Variants in SNX29 observed in about 807,000 individuals in gnomAD.
SNX29 encodes sorting nexin 29.
Under a neutral mutation model 102.1 loss-of-function variants are expected in SNX29, and 78 were observed. The observed-to-expected ratio is 0.76, with a 90% CI of 0.64 to 0.92. The LOEUF is 0.92. SNX29 is among the 40% of genes least tolerant of loss of function. The pLI, the probability that SNX29 is intolerant of heterozygous loss-of-function variation, is 0.00. For synonymous variants in SNX29, 580 were observed against 414.5 expected (o/e 1.40, Z -4.85); for missense variants, 1,280 against 1,061.7 (o/e 1.21, Z -2.86).
intron 16 of SNX29, among the ~76,000 whole-genome samples, chr16:12,372,360 CTAATGTTCTT>C (rs1166290951): frequency 6.6e-6 from 1 of 152,216 alleles, no homozygotes; most frequent in Non-Finnish European, 1.5e-5. Context: ...AGGTACGTTT[CTAATGTTCTT>C]TAAATTCCTG....
chr16:12,000,671 A>T (rs766809720), intron 2 of SNX29, among the ~76,000 whole-genome samples: 1 of 152,002 alleles, frequency 6.6e-6, no homozygotes, highest in Non-Finnish European at 1.5e-5. Context: ...CTACAGGTGC[A>T]TGCCACCACA....
At chr16:12,107,025 C>T (rs1419586829) in intron 11 of SNX29, among the ~76,000 whole-genome samples, 2 of 152,128 alleles carry the variant, frequency 1.3e-5, no homozygotes, top group East Asian at 3.9e-4. Flanking sequence ...ACTGTGTTGC[C>T]CAGGCTGGTC....
intron 18 of SNX29, among the ~76,000 whole-genome samples, chr16:12,437,634 C>T (rs941075121): frequency 7.9e-5 from 12 of 152,200 alleles, no homozygotes; most frequent in African/African-American, 2.2e-4. Flanking sequence ...CTGGCTCCTT[C>T]CCCACCCATA....
At chr16:12,092,400 C>G (rs778315073) in intron 11 of SNX29, among the ~76,000 whole-genome samples, 36 of 152,124 alleles carry the variant, frequency 2.4e-4, no homozygotes, top group Non-Finnish European at 4.4e-4. Context: ...TCCCAGAGGG[C>G]GGGCTCCAGT....
chr16:12,571,702 GCTT>G lies in SNX29; in HGVS notation c.*3076_*3078del, dbSNP rs937189473. ...TGTCTCTCCTTGAGAGACAACAAAA[GCTT>G]CTAAGGGAGGGAGCTTAAAGGCTGC... On this transcript the variant is annotated 3_prime_UTR_variant, in exon 21 of 21. Coordinates refer to ENST00000566228, the MANE Select transcript of SNX29 (RefSeq NM_032167.5). 5.6e-5 allele frequency: 59 copies of G among 1,059,546 alleles called. No individual in the cohort carries two copies. In the African/African-American group the frequency reaches 8.6e-4, roughly 15 times the overall value. The allele number at this position is 1,059,546 out of a possible 1,614,324, so 65.6% of individuals were successfully genotyped here.
intron 14 of SNX29, among the ~76,000 whole-genome samples, chr16:12,235,331 C>T (rs540493628): frequency 3.3e-5 from 5 of 152,208 alleles, no homozygotes; most frequent in Non-Finnish European, 5.9e-5. Context: ...CCGCAGTGCT[C>T]GTGTTTTCAG....
chr16:12,151,799 G>A (rs1376476552), intron 13 of SNX29, among the ~76,000 whole-genome samples: 1 of 152,126 alleles, frequency 6.6e-6, no homozygotes, highest in Admixed American at 6.5e-5. Context: ...GCAGTGGCAC[G>A]ATCTCGTCTC....
At chr16:12,528,945 C>T (rs909754154) in intron 20 of SNX29, among the ~76,000 whole-genome samples, 21 of 152,226 alleles carry the variant, frequency 1.4e-4, no homozygotes, top group Admixed American at 1.2e-3. Context: ...TTAAAACTTT[C>T]AGTCCAGTAT....
intron 1 of SNX29, among the ~76,000 whole-genome samples, chr16:11,987,076 T>C (rs923581109): frequency 6.6e-6 from 1 of 152,136 alleles, no homozygotes; most frequent in Non-Finnish European, 1.5e-5. Flanking sequence ...TTCTGTCTTA[T>C]TTTTTTGAGA....
At chr16:12,021,571 C>G (rs760712611) in intron 3 of SNX29, among the ~76,000 whole-genome samples, 4 of 152,068 alleles carry the variant, frequency 2.6e-5, no homozygotes, top group South Asian at 2.1e-4. Flanking sequence ...TTAATAGATT[C>G]GTGTGCAGAT....
intron 18 of SNX29, among the ~76,000 whole-genome samples, chr16:12,428,945 C>T (rs1447790933): frequency 6.6e-6 from 1 of 152,150 alleles, no homozygotes. Context: ...ACTAATATCT[C>T]CTAGTTAATT....
chr16:12,159,027 C>T (rs1252460333), intron 13 of SNX29, among the ~76,000 whole-genome samples: 1 of 152,228 alleles, frequency 6.6e-6, no homozygotes, highest in Non-Finnish European at 1.5e-5. Context: ...ATGAGCCCTT[C>T]TGGAATTAAT....
intron 14 of SNX29, among the ~76,000 whole-genome samples, chr16:12,242,373 T>A (rs201253254): frequency 0.18 from 24,818 of 136,154 alleles, 2,417 homozygotes; most frequent in South Asian, 0.35. Context: ...ATATATTTTT[T>A]TTTTTTTTTT....
chr16:12,571,824 TC>T lies in SNX29; in HGVS notation c.*3198del. The stretch of plus-strand genomic sequence containing the variant: ...AGTGTGAAATTCCAGCTTCTTTGAT[TC>T]CCACTTAGCAGTATGCTCCAATCAC... On this transcript the variant is annotated 3_prime_UTR_variant, in exon 21 of 21. Coordinates refer to ENST00000566228, the MANE Select transcript of SNX29 (RefSeq NM_032167.5). The T allele has an allele frequency of 8.6e-6, 9 of 1,042,748 alleles. No homozygotes were observed. The highest frequency in any genetic ancestry group is 8.1e-6 in the Non-Finnish European group (7 of 859,918). 64.6% of individuals were successfully genotyped at this position (1,042,748 alleles called of 1,614,324 possible).
At chr16:12,519,038 C>G (rs2089989059) in intron 19 of SNX29, among the ~76,000 whole-genome samples, 1 of 152,186 alleles carries the variant, frequency 6.6e-6, no homozygotes, top group South Asian at 2.1e-4. Context: ...GGGGAGCAGG[C>G]TGTCCTGGGG....
chr16:12,015,572 G>A (rs1037416155), intron 3 of SNX29, among the ~76,000 whole-genome samples: 10 of 140,426 alleles, frequency 7.1e-5, no homozygotes, highest in Non-Finnish European at 1.2e-4. Flanking sequence ...GTCTTGCTCT[G>A]TCGCCCAGGC....
At chr16:12,135,723 G>T (rs2054635469) in intron 13 of SNX29, 2 of 806,050 alleles carry the variant, frequency 2.5e-6, no homozygotes, top group African/African-American at 1.8e-5. Context: ...CCAATAAATT[G>T]CTTTCATTCC....
At chr16:12,158,055 A>G (rs1319046131) in intron 13 of SNX29, among the ~76,000 whole-genome samples, 2 of 150,044 alleles carry the variant, frequency 1.3e-5, no homozygotes, top group African/African-American at 4.9e-5. Context: ...ACTCCAGCTG[A>G]CCGTGCATGA....
intron 18 of SNX29, among the ~76,000 whole-genome samples, chr16:12,422,607 A>T (rs114687384): frequency 0.017 from 2,522 of 152,246 alleles, 78 homozygotes; most frequent in African/African-American, 0.058. Context: ...TGTCTGGGCC[A>T]AGTCAGTCCA....
Sources: gnomAD v4.1 joint callset for allele counts (sites outside exome capture counted in the v4.1 genomes callset) on GRCh38, gnomAD v4.1.1 for gene constraint, MANE v1.5 for transcripts, NCBI Gene and HGNC (gene_info 2026-07-23, HGNC 2026-07-21) for gene names.